EMP1: variants seen among roughly 807,000 people sequenced by gnomAD.
EMP1 encodes the protein epithelial membrane protein 1.
A neutral mutation model predicts 15.7 loss-of-function variants in EMP1; 5 were observed. The ratio of observed to expected loss-of-function variants is 0.32; its 90% CI spans 0.17 to 0.67. The LOEUF (loss-of-function observed/expected upper bound fraction) is 0.67. Among genes scored for constraint, EMP1 ranks in the 30% least tolerant of loss-of-function variants. EMP1 has a pLI of 0.74. For missense variants in EMP1, 166 were observed against 194.2 expected, an observed-to-expected ratio of 0.85 and a Z score of 0.86; for synonymous variants, 78 against 76.7, an observed-to-expected ratio of 1.02 and a Z score of -0.09.
chr12:13,203,131 G>A (rs1378603659), intron 1 of EMP1, among the ~76,000 whole-genome samples: 1 of 152,196 alleles, frequency 6.6e-6, no homozygotes, highest in African/African-American at 2.4e-5. Flanking sequence ...CCAGGAGGCT[G>A]CAGCTTTGCT....
At chr12:13,210,609 C>T (rs1864156551) in intron 1 of EMP1, among the ~76,000 whole-genome samples, 1 of 152,200 alleles carries the variant, frequency 6.6e-6, no homozygotes, top group South Asian at 2.1e-4. Context: ...TGTATTGAGT[C>T]CTGAAGGATT....
In EMP1 at chr12:13,214,607, C is replaced by T. The variant is rs758040442; in HGVS notation, c.390C>T (p.His130=). The T allele has an allele frequency of 2.9e-5, 46 of 1,613,886 alleles. No individual in the cohort carries two copies. Among genetic ancestry groups the T allele is most frequent in the Middle Eastern group, 1.6e-4 (1 of 6,084 alleles). The change falls in exon 5 of 5, where the codon CAC becomes CAT. Residue 130 remains histidine (H), a synonymous_variant. Coordinates refer to ENST00000256951, the MANE Select transcript of EMP1 (RefSeq NM_001423.3). ...YANRDGTQYH[H]GYSYILGWIC... is the part of the protein sequence containing the mutation. The stretch of plus-strand genomic sequence containing the variant: ...ATCGTGATGGAACGCAGTATCACCA[C>T]GGCTATTCCTACATCCTGGGCTGGA...
At position 13,201,815 on chromosome 12, in the gene EMP1, A is replaced by G. The variant is rs950214879; in HGVS notation, c.-43+4943A>G. 2.0e-5 allele frequency among the ~76,000 whole-genome samples: 3 copies of G among 152,350 alleles called. No individual in the cohort carries two copies. The East Asian group carries it at 5.8e-4, about 29-fold the overall frequency. ...TCTGTGAAGACATTGACAACAGCAA[A>G]GCATTCACCAGGAACAGAATCAGGC... On this transcript the variant is annotated intron_variant, in intron 1 of 4. Coordinates refer to ENST00000256951, the MANE Select transcript of EMP1 (RefSeq NM_001423.3).
chr12:13,201,509 G>C (rs913641805), intron 1 of EMP1, among the ~76,000 whole-genome samples: 1 of 152,140 alleles, frequency 6.6e-6, no homozygotes, highest in Admixed American at 6.5e-5. Flanking sequence ...TATCCCTTGC[G>C]CTGATGCTAG....
chr12:13,211,776 A>G lies in EMP1; in HGVS notation c.78+188A>G. On this transcript the variant is annotated intron_variant, in intron 2 of 4. Transcript: ENST00000256951. This position sits in a 1 kb window ranked among gnomAD's most constrained non-coding sequence, Gnocchi z 4.7. ...AACAGGAGGATAAAAGTGAATGTCC[A>G]CAGGAGTAATCCTGCCAGAGCTGTA... 1.6e-6 allele frequency: 1 copy of G among 635,624 alleles called. No homozygotes were observed. The highest frequency in any genetic ancestry group is 2.7e-6 in the Non-Finnish European group (1 of 369,820). 39.4% of individuals were successfully genotyped at this position (635,624 alleles called of 1,614,324 possible).
chr12:13,197,498 G>A (rs1170286780), intron 1 of EMP1, among the ~76,000 whole-genome samples: 2 of 152,110 alleles, frequency 1.3e-5, no homozygotes, highest in Non-Finnish European at 2.9e-5. Flanking sequence ...ACTGTTGGCC[G>A]GGCACGGTGG....
rs1245108705 is a variant in EMP1 at position 13,211,692 on chromosome 12, T to G, written c.78+104T>G. 1 of 1,277,858 alleles carries G rather than the reference T, an allele frequency of 7.8e-7. No individual in the cohort carries two copies. Among genetic ancestry groups the G allele is most frequent in the African/African-American group, 1.5e-5 (1 of 67,118 alleles). 79.2% of individuals were successfully genotyped at this position (1,277,858 alleles called of 1,614,324 possible). A position where few individuals can be genotyped will look rare whatever the true frequency, so the allele number is the denominator to read the frequency against. ...GCCACAGCCCTTGCCCTTCATGAACTTACAGCTCAGTTGTGGGAAAACAAA... is the reference window on the plus strand; with the variant it reads ...GCCACAGCCCTTGCCCTTCATGAACGTACAGCTCAGTTGTGGGAAAACAAA... On this transcript the variant is annotated intron_variant, in intron 2 of 4. Transcript: ENST00000256951. This position sits in a 1 kb window ranked among gnomAD's most constrained non-coding sequence, Gnocchi z 4.7.
chr12:13,213,955 T>G (rs927962043), intron 4 of EMP1, 134 bp downstream of exon 4: 1 of 1,316,398 alleles, frequency 7.6e-7, no homozygotes, highest in Non-Finnish European at 1.1e-6. Context: ...GGTTATTTGT[T>G]CTCTTGTGGA....
Position 13,197,240 on chromosome 12 carries a change from C to T in EMP1, c.-43+368C>T, listed in dbSNP as rs148331368. ...ACACCACACACCTTGGAAATGACATCGGGAACTGGCCAGATGTTTTTCACC... is the reference window on the plus strand; with the variant it reads ...ACACCACACACCTTGGAAATGACATTGGGAACTGGCCAGATGTTTTTCACC... On this transcript the variant is annotated intron_variant, in intron 1 of 4. Transcript: ENST00000256951. Among the ~76,000 whole-genome samples the T allele has an allele frequency of 1.9e-3, 288 of 152,200 alleles. 2 individuals carry two copies. The highest frequency in any genetic ancestry group is 6.5e-3 in the African/African-American group (270 of 41,528).
Position 13,217,594 on chromosome 12 carries a change from A to C in EMP1, c.*2903A>C, listed in dbSNP as rs1864226090. 6.6e-6 allele frequency: 1 copy of C among 151,966 alleles called. No homozygotes were observed. Among genetic ancestry groups the C allele is most frequent in the Non-Finnish European group, 1.5e-5 (1 of 68,020 alleles). The allele number at this position is 151,966 out of a possible 1,614,324, so 9.4% of individuals were successfully genotyped here. On this transcript the variant is annotated 3_prime_UTR_variant, in exon 5 of 5. Coordinates refer to ENST00000256951, the MANE Select transcript of EMP1 (RefSeq NM_001423.3). ...AGGGATTTCTTTTCCCCCATGTCAT[A>C]CACCCAGTCCTAAATCAACCCCCAA...
chr12:13,203,553 C>T (rs1864084949), intron 1 of EMP1, among the ~76,000 whole-genome samples: 1 of 152,254 alleles, frequency 6.6e-6, no homozygotes, highest in African/African-American at 2.4e-5. Context: ...TAATTGTTGG[C>T]CCTCAGGCTC....
chr12:13,214,445 A>C, intron 4 of EMP1, 89 bp from the exon 5 acceptor site: 7 of 1,529,076 alleles, frequency 4.6e-6, no homozygotes, highest in Non-Finnish European at 6.2e-6. Context: ...ATTGCTAATG[A>C]GGGAAATAGG....
At chr12:13,200,603 C>T (rs978712865) in intron 1 of EMP1, among the ~76,000 whole-genome samples, 5 of 152,204 alleles carry the variant, frequency 3.3e-5, no homozygotes, top group Non-Finnish European at 7.3e-5. Context: ...AGCACCCAGC[C>T]CCGACATACA....
At position 13,205,063 on chromosome 12, in the gene EMP1, C is replaced by T. The variant is rs570249581; in HGVS notation, c.-42-6406C>T. 1.2e-4 allele frequency among the ~76,000 whole-genome samples: 19 copies of T among 152,200 alleles called. No homozygotes were observed. The South Asian group carries it at 2.3e-3, about 18-fold the overall frequency. On this transcript the variant is annotated intron_variant, in intron 1 of 4. Transcript: ENST00000256951. ...GTATTGTCAGAAAAATCTTTCTAATCGGGGAAGGGATCCTGGTAGGTAGTG... is the reference window on the plus strand; with the variant it reads ...GTATTGTCAGAAAAATCTTTCTAATTGGGGAAGGGATCCTGGTAGGTAGTG...
At chr12:13,201,217 G>A (rs914870606) in intron 1 of EMP1, among the ~76,000 whole-genome samples, 1 of 152,076 alleles carries the variant, frequency 6.6e-6, no homozygotes, top group Admixed American at 6.5e-5. Context: ...GACCAGTCTG[G>A]GCAACATAGT....
rs1023819493 is a variant in EMP1, at chr12:13,216,290, G to T, written c.*1599G>T. 1.5e-6 allele frequency: 1 copy of T among 672,446 alleles called. No homozygotes were observed. The highest frequency in any genetic ancestry group is 2.3e-5 in the Admixed American group (1 of 44,100). The allele number at this position is 672,446 out of a possible 1,614,324, so 41.7% of individuals were successfully genotyped here. Reference sequence around the variant, plus strand: ...TTTCTTTTATACCTTTCCTTTTTGGGGAGTTGTTATGCCATGATTTTTGGT... The same window carrying T: ...TTTCTTTTATACCTTTCCTTTTTGGTGAGTTGTTATGCCATGATTTTTGGT... On this transcript the variant is annotated 3_prime_UTR_variant, in exon 5 of 5. Coordinates refer to ENST00000256951, the MANE Select transcript of EMP1 (RefSeq NM_001423.3).
rs1400680191 is a variant in EMP1 at position 13,217,917 on chromosome 12, G to A, written c.*3226G>A. 6.6e-6 allele frequency: 1 copy of A among 152,226 alleles called. No individual in the cohort carries two copies. Among genetic ancestry groups the A allele is most frequent in the Non-Finnish European group, 1.5e-5 (1 of 68,048 alleles). 9.4% of individuals were successfully genotyped at this position (152,226 alleles called of 1,614,324 possible). A position where few individuals can be genotyped will look rare whatever the true frequency, so the allele number is the denominator to read the frequency against. On this transcript the variant is annotated 3_prime_UTR_variant, in exon 5 of 5. Coordinates refer to ENST00000256951, the MANE Select transcript of EMP1 (RefSeq NM_001423.3). ...CAAGGGGTGGGCCAGCAGAGAGCTG[G>A]TGCTACAGTGCGGGTCTGAAAGTTG...
At chr12:13,202,599 G>A (rs1236119144) in intron 1 of EMP1, among the ~76,000 whole-genome samples, 1 of 152,176 alleles carries the variant, frequency 6.6e-6, no homozygotes, top group Non-Finnish European at 1.5e-5. Context: ...TCTGGGTGGG[G>A]TGGGGACTCC....
rs1388964873 is a variant in EMP1, at chr12:13,218,644, G to A, written c.*3953G>A. 1 of 152,202 alleles carries A rather than the reference G, an allele frequency of 6.6e-6. No homozygotes were observed. The highest frequency in any genetic ancestry group is 6.5e-5 in the Admixed American group (1 of 15,274). 9.4% of individuals were successfully genotyped at this position (152,202 alleles called of 1,614,324 possible). ...TTGTGTGGAGCCCAAGGGAAGGCGG[G>A]GTTTTGGAGTCTTACGTGGCTTTGT... On this transcript the variant is annotated 3_prime_UTR_variant, in exon 5 of 5. Transcript: ENST00000256951.
Sources: gnomAD v4.1 joint callset for allele counts (sites outside exome capture counted in the v4.1 genomes callset) on GRCh38, gnomAD v4.1.1 for gene constraint, Gnocchi (gnomAD v3.1) non-coding constraint, MANE v1.5 for transcripts, NCBI Gene and HGNC (gene_info 2026-07-23, HGNC 2026-07-21) for gene names.